PCDH15: variants seen among roughly 807,000 people sequenced by gnomAD.
PCDH15 encodes the protein protocadherin related 15.
A neutral mutation model predicts 178.5 loss-of-function variants in PCDH15; 129 were observed. The ratio of observed to expected loss-of-function variants is 0.72; its 90% CI spans 0.63 to 0.84. PCDH15 has a LOEUF of 0.84. PCDH15 is among the 40% of genes least tolerant of loss of function. The pLI is 0.00. For missense variants in PCDH15, 2,230 were observed against 2,099.9 expected (o/e 1.06, Z -1.21); for synonymous variants, 800 against 732.0 (o/e 1.09, Z -1.50).
rs749774874 is a variant in PCDH15 at position 53,810,632 on chromosome 10, C to G, written c.4595G>C (p.Arg1532Pro). The change falls in exon 37 of 38, where the codon CGA becomes CCA. Residue 1532 changes from arginine to proline, a missense_variant. Transcript: ENST00000644397. ...YEMPQYGSRR[R>P]LLPPAGQEEY... The stretch of plus-strand genomic sequence containing the variant: ...CTCCTGTCCAGCTGGTGGTAACAAT[C>G]GACGGCGACTCCCATATTGAGGCAT... 10 of 1,613,682 alleles carry G rather than the reference C, an allele frequency of 6.2e-6. No individual in the cohort carries two copies. Among genetic ancestry groups the G allele is most frequent in the South Asian group, 2.2e-5 (2 of 91,080 alleles).
In PCDH15 at chr10:53,846,051, A is replaced by ACACACACACAC. The variant is rs1564598575; in HGVS notation, c.3807-5556_3807-5555insGTGTGTGTGTG. ...ACACACACACACACACACACACACA[A>ACACACACACAC]ACAAAAAAAGAATTAAAAAATGAAT... On this transcript the variant is annotated intron_variant, in intron 28 of 37. Transcript: ENST00000644397. 3.0e-5 allele frequency among the ~76,000 whole-genome samples: 3 copies of ACACACACACAC among 100,348 alleles called. No homozygotes were observed. In the Admixed American group the frequency reaches 3.3e-4, roughly 11 times the overall value. The allele number at this position is 100,348 out of a possible 152,430, so 65.8% of individuals were successfully genotyped here.
At chr10:55,365,162 T>G (rs1483533002) in intron 2 of PCDH15, among the ~76,000 whole-genome samples, 1 of 152,114 alleles carries the variant, frequency 6.6e-6, no homozygotes, top group Non-Finnish European at 1.5e-5. Flanking sequence ...CCTCAATTCT[T>G]TGTAAGTTGT....
chr10:54,168,634 T>C (rs1013361863), intron 13 of PCDH15, among the ~76,000 whole-genome samples: 7 of 152,304 alleles, frequency 4.6e-5, no homozygotes, highest in African/African-American at 1.7e-4. Context: ...AATGCTCCTT[T>C]TTCTTTATCC....
chr10:54,233,971 C>CAG (rs1156663793), intron 9 of PCDH15, among the ~76,000 whole-genome samples: 1 of 152,128 alleles, frequency 6.6e-6, no homozygotes, highest in African/African-American at 2.4e-5. Context: ...ATATAGTAAA[C>CAG]AGAGACTGTC....
intron 2 of PCDH15, among the ~76,000 whole-genome samples, chr10:55,626,475 C>A (rs1018919011): frequency 6.6e-6 from 1 of 152,092 alleles, no homozygotes; most frequent in Non-Finnish European, 1.5e-5. Flanking sequence ...TGAATACTAA[C>A]GGGTTCATTT....
chr10:54,758,798 TATG>T (rs1947497811), intron 1 of PCDH15, among the ~76,000 whole-genome samples: 1 of 152,244 alleles, frequency 6.6e-6, no homozygotes, highest in African/African-American at 2.4e-5. Flanking sequence ...GTTATGTGTT[TATG>T]ATGACAAATA....
At chr10:54,149,977 G>C (rs962441774) in intron 14 of PCDH15, among the ~76,000 whole-genome samples, 1 of 152,076 alleles carries the variant, frequency 6.6e-6, no homozygotes, top group Non-Finnish European at 1.5e-5. Flanking sequence ...AGGGTGTTTG[G>C]TCAGAGTGAC....
In PCDH15 at chr10:54,654,304, TGGAAAAATAA is replaced by T. The variant is rs748853795; in HGVS notation, c.91+9858_91+9867del. 1.9e-3 allele frequency among the ~76,000 whole-genome samples: 282 copies of T among 152,178 alleles called. 5 individuals are homozygous for T. Among genetic ancestry groups the T allele is most frequent in the Admixed American group, 0.018 (276 of 15,286 alleles). Reference sequence around the variant, plus strand: ...GTTTATTATAGGATACAGCCCCTTATGGAAAAATAAATGAGAGTGGGGAAATTTCAAAATC... The same window carrying T: ...GTTTATTATAGGATACAGCCCCTTATATGAGAGTGGGGAAATTTCAAAATC... On this transcript the variant is annotated intron_variant, in intron 2 of 37. Transcript: ENST00000644397.
chr10:54,355,689 C>T (rs1243258396), intron 5 of PCDH15, among the ~76,000 whole-genome samples: 2 of 151,928 alleles, frequency 1.3e-5, no homozygotes, highest in African/African-American at 4.8e-5. Flanking sequence ...CAAAAGGAGA[C>T]ATAAAATCAA....
chr10:55,278,861 A>G (rs1019398111), intron 1 of PCDH15, among the ~76,000 whole-genome samples: 1 of 152,304 alleles, frequency 6.6e-6, no homozygotes, highest in South Asian at 2.1e-4. Flanking sequence ...GACAAACTGA[A>G]AAGTACCCAG....
intron 2 of PCDH15, among the ~76,000 whole-genome samples, chr10:54,995,289 T>C (rs1186143945): frequency 1.3e-5 from 2 of 149,824 alleles, no homozygotes; most frequent in Non-Finnish European, 2.9e-5. Flanking sequence ...GGCAGGAGAA[T>C]GGCGTGAACC....
chr10:54,284,858 C>A (rs1290624770), intron 8 of PCDH15, among the ~76,000 whole-genome samples: 1 of 152,136 alleles, frequency 6.6e-6, no homozygotes, highest in Admixed American at 6.6e-5. Flanking sequence ...CTAAAATATT[C>A]ATTTCCCTGG....
intron 21 of PCDH15, among the ~76,000 whole-genome samples, chr10:53,980,653 C>A (rs2090560515): frequency 6.6e-6 from 1 of 152,284 alleles, no homozygotes; most frequent in East Asian, 1.9e-4. Flanking sequence ...CAAGCCCAAA[C>A]AATAATCCAG....
At chr10:54,526,113 A>T (rs1302276941) in intron 3 of PCDH15, among the ~76,000 whole-genome samples, 1 of 152,210 alleles carries the variant, frequency 6.6e-6, no homozygotes, top group Non-Finnish European at 1.5e-5. Flanking sequence ...ACCACCTGCT[A>T]CTGTACAGCA....
At chr10:54,366,677 A>AT (rs199665450) in intron 5 of PCDH15, among the ~76,000 whole-genome samples, 3,091 of 99,006 alleles carry the variant, frequency 0.031, 89 homozygotes, top group African/African-American at 0.12. Flanking sequence ...CTAAATTTCT[A>AT]TTTTTTTTTT....
chr10:54,970,381 G>A (rs913772582), intron 2 of PCDH15, among the ~76,000 whole-genome samples: 4 of 152,140 alleles, frequency 2.6e-5, no homozygotes, highest in African/African-American at 9.7e-5. Flanking sequence ...ATAGCTACAG[G>A]TTGAACCATA....
intron 1 of PCDH15, among the ~76,000 whole-genome samples, chr10:55,281,513 T>A (rs1181025736): frequency 6.6e-6 from 1 of 152,080 alleles, no homozygotes; most frequent in African/African-American, 2.4e-5. Context: ...CTATTTCTAT[T>A]CATTTTCATA....
intron 10 of PCDH15, among the ~76,000 whole-genome samples, chr10:54,211,938 T>G (rs1013784583): frequency 6.6e-6 from 1 of 151,874 alleles, no homozygotes; most frequent in South Asian, 2.1e-4. Flanking sequence ...AATTTGAATC[T>G]AATATTGTCT....
chr10:55,076,882 C>T (rs1194911754), intron 2 of PCDH15, among the ~76,000 whole-genome samples: 2 of 150,742 alleles, frequency 1.3e-5, no homozygotes. Context: ...GATTCTCCTG[C>T]CTCAGCCTCC....
Sources: allele counts gnomAD v4.1 joint callset (sites outside exome capture counted in the v4.1 genomes callset), GRCh38; gene constraint gnomAD v4.1.1; transcripts MANE v1.5; gene names NCBI Gene and HGNC (gene_info 2026-07-23, HGNC 2026-07-21).